Variants in PCDH7 observed in about 807,000 individuals in gnomAD.
PCDH7 encodes the protein protocadherin 7, also known as protocadherin-7.
PCDH7 carries 17 observed loss-of-function variants against 58.9 expected under a neutral mutation model. The ratio of observed to expected loss-of-function variants is 0.29; its 90% CI spans 0.20 to 0.43. The LOEUF is 0.43. PCDH7 is among the 20% of genes least tolerant of loss of function. The pLI, the probability that PCDH7 is intolerant of heterozygous loss-of-function variation, is 1.00. For synonymous variants in PCDH7, 664 were observed against 616.4 expected (o/e 1.08, Z -1.14); for missense variants, 1,274 against 1,441.0 (o/e 0.88, Z 1.88).
chr4:30,841,985 G>A (rs1380444496), intron 1 of PCDH7, among the ~76,000 whole-genome samples: 5 of 152,050 alleles, frequency 3.3e-5, no homozygotes, highest in African/African-American at 7.2e-5. Context: ...GGAATGTTGA[G>A]TCTGAGAACA....
At chr4:31,071,670 A>G (rs1290318524) in intron 3 of PCDH7, among the ~76,000 whole-genome samples, 1 of 152,000 alleles carries the variant, frequency 6.6e-6, no homozygotes, top group East Asian at 1.9e-4. Flanking sequence ...CCCACCCACC[A>G]TAGTTCATCT....
At chr4:30,751,787 A>C (rs79132257) in intron 1 of PCDH7, among the ~76,000 whole-genome samples, 5,576 of 152,242 alleles carry the variant, frequency 0.037, 265 homozygotes, top group East Asian at 0.22. Context: ...TAATAAATAT[A>C]TTTTAATAGG....
intron 3 of PCDH7, among the ~76,000 whole-genome samples, chr4:31,057,106 A>G (rs567863151): frequency 3.3e-5 from 5 of 152,212 alleles, no homozygotes; most frequent in Non-Finnish European, 7.3e-5. Flanking sequence ...CTTTATTAGA[A>G]ATATTTGTAA....
rs1005156689 is a variant in PCDH7 at position 31,142,522 on chromosome 4, G to A, written c.*57G>A. ...CCCTGACTGGGAAGTGCACTCGTGA[G>A]TGTGATGAGTATGGCCACTCAGACT... On this transcript the variant is annotated 3_prime_UTR_variant, in exon 4 of 4. Transcript: ENST00000509759. 7.3e-6 allele frequency: 10 copies of A among 1,367,670 alleles called. No homozygotes were observed. In the Admixed American group the frequency reaches 1.1e-4, roughly 16 times the overall value. The allele number at this position is 1,367,670 out of a possible 1,614,324, so 84.7% of individuals were successfully genotyped here.
At chr4:30,853,125 A>T (rs940533397) in intron 1 of PCDH7, among the ~76,000 whole-genome samples, 12 of 152,140 alleles carry the variant, frequency 7.9e-5, no homozygotes, top group African/African-American at 2.4e-4. Flanking sequence ...CTGGCTTAGA[A>T]AGTGAGAAAT....
chr4:30,977,997 T>A lies in PCDH7; in HGVS notation c.*7+27782T>A, dbSNP rs183529435. 2.0e-5 allele frequency among the ~76,000 whole-genome samples: 3 copies of A among 152,306 alleles called. No homozygotes were observed. The East Asian group carries it at 5.8e-4, about 29-fold the overall frequency. The stretch of plus-strand genomic sequence containing the variant: ...ATCTAAAACTTTTCAGCTGGTTTTT[T>A]TCTTCCATACTCTGAATTTTCTTTG... On this transcript the variant is annotated intron_variant, in intron 3 of 3. Coordinates refer to the PCDH7 transcript ENST00000509759.
At chr4:30,799,763 CTTATTA>C (rs979210158) in intron 1 of PCDH7, among the ~76,000 whole-genome samples, 1 of 151,944 alleles carries the variant, frequency 6.6e-6, no homozygotes, top group Admixed American at 6.6e-5. Context: ...CCTTACCAGA[CTTATTA>C]TTATGAGAAA....
chr4:31,011,335 G>A (rs942058901), intron 3 of PCDH7, among the ~76,000 whole-genome samples: 2 of 151,890 alleles, frequency 1.3e-5, no homozygotes, highest in African/African-American at 2.4e-5. Context: ...GTTGAAATAC[G>A]GTCACTATTC....
At chr4:30,881,637 G>T (rs1031311677) in intron 1 of PCDH7, among the ~76,000 whole-genome samples, 7 of 152,074 alleles carry the variant, frequency 4.6e-5, no homozygotes, top group Non-Finnish European at 1.0e-4. Context: ...GTGCCTGAAG[G>T]AGCCTTTTCA....
downstream of PCDH7, among the ~76,000 whole-genome samples, chr4:30,737,509 T>G (rs1716469987): frequency 1.3e-5 from 2 of 150,080 alleles, no homozygotes; most frequent in African/African-American, 4.9e-5. Flanking sequence ...AGGGAGATCC[T>G]GTCTCAAAAA....
At chr4:31,072,799 GT>G (rs1339171957) in intron 3 of PCDH7, among the ~76,000 whole-genome samples, 1 of 152,122 alleles carries the variant, frequency 6.6e-6, no homozygotes, top group Non-Finnish European at 1.5e-5. Flanking sequence ...CCTGCAATGG[GT>G]TGTAAGAACT....
rs149747520 is a variant in PCDH7, at chr4:30,786,849, C to T, written c.70+62253C>T. On this transcript the variant is annotated intron_variant, in intron 1 of 3. Coordinates refer to the PCDH7 transcript ENST00000509759. ...CTCAATATGTTGGATCCTAATAGACCTGGATTTGTCTTGTGTAAAAAGAAA... is the reference window on the plus strand; with the variant it reads ...CTCAATATGTTGGATCCTAATAGACTTGGATTTGTCTTGTGTAAAAAGAAA... The T allele has an allele frequency of 1.3e-3, 760 of 597,314 alleles. 7 individuals carry two copies. In the African/African-American group the frequency reaches 0.013, roughly 10 times the overall value. The allele number at this position is 597,314 out of a possible 1,614,324, so 37.0% of individuals were successfully genotyped here.
chr4:30,723,441 G>C lies in PCDH7; in HGVS notation c.2019G>C (p.Glu673Asp). ...ATGCTGACAAGGGGCGGAATGCAGA[G>C]ATGAGCCTGTACATAGAGGAGAACA... Residue 673 changes from glutamate (E) to aspartate (D), a missense_variant, in exon 1 of 2, where the codon GAG becomes GAC. Glu to Asp is a conservative substitution (Grantham distance 45). Around this residue, in one of 3 missense-constraint regions of PCDH7, gnomAD observed 731 missense variants for 881.9 expected, o/e 0.83. Transcript: ENST00000361762. This position sits in a 1 kb window ranked among gnomAD's most constrained non-coding sequence, Gnocchi z 4.6. 6.2e-7 allele frequency: 1 copy of C among 1,614,192 alleles called. No homozygotes were observed. Among genetic ancestry groups the C allele is most frequent in the Non-Finnish European group, 8.5e-7 (1 of 1,180,034 alleles).
chr4:30,831,199 T>C (rs562273547), intron 1 of PCDH7, among the ~76,000 whole-genome samples: 1 of 152,214 alleles, frequency 6.6e-6, no homozygotes, highest in East Asian at 1.9e-4. Context: ...ACAGAATTTG[T>C]CCCTCATACG....
chr4:30,821,166 G>A (rs2109321534), intron 1 of PCDH7, among the ~76,000 whole-genome samples: 2 of 152,254 alleles, frequency 1.3e-5, no homozygotes, highest in South Asian at 2.1e-4. Flanking sequence ...CTGCCTCCTT[G>A]TAACTGGTAA....
At chr4:30,900,271 G>A (rs1347133281) in intron 1 of PCDH7, among the ~76,000 whole-genome samples, 1 of 152,188 alleles carries the variant, frequency 6.6e-6, no homozygotes, top group Admixed American at 6.5e-5. Context: ...CATATGGTGT[G>A]AGCAAAGAAT....
rs776134703 is a variant in PCDH7, at chr4:30,723,681, G to A, written c.2259G>A (p.Leu753=). 7.4e-6 allele frequency: 12 copies of A among 1,614,106 alleles called. No homozygotes were observed. Among genetic ancestry groups the A allele is most frequent in the Admixed American group, 1.7e-5 (1 of 60,030 alleles). The change falls in exon 1 of 2, where the codon CTG becomes CTA. Residue 753 remains leucine (L), a synonymous_variant. Transcript: ENST00000361762. The surrounding 1 kb of genome is among the most constrained non-coding windows in gnomAD (Gnocchi z 4.6). ...CCAAAAACATTTCCTACACTTTACT[G>A]CCACCTTCGAGTAATGTCAGGACAG...
intron 1 of PCDH7, among the ~76,000 whole-genome samples, chr4:30,751,093 T>C (rs955942162): frequency 1.3e-5 from 2 of 152,162 alleles, no homozygotes; most frequent in African/African-American, 2.4e-5. Flanking sequence ...TGTTAAGATA[T>C]TGAAACTGTT....
chr4:30,913,646 T>C (rs1255531027), intron 1 of PCDH7, among the ~76,000 whole-genome samples: 1 of 152,168 alleles, frequency 6.6e-6, no homozygotes, highest in Non-Finnish European at 1.5e-5. Context: ...AAGGGAATAA[T>C]GAATCAAATG....
Sources: gnomAD v4.1 joint callset for allele counts (sites outside exome capture counted in the v4.1 genomes callset) on GRCh38, gnomAD v4.1.1 for gene constraint, gnomAD v4.1.1 regional missense constraint, Gnocchi (gnomAD v3.1) non-coding constraint, MANE v1.5 for transcripts, NCBI Gene and HGNC (gene_info 2026-07-23, HGNC 2026-07-21) for gene names.